CD82: variants seen among roughly 807,000 people sequenced by gnomAD.
CD82 encodes CD82 antigen.
CD82 carries 36 observed loss-of-function variants against 37.4 expected under a neutral mutation model. The observed-to-expected ratio is 0.96, with a 90% CI of 0.74 to 1.27. The LOEUF is 1.27. Among genes scored for constraint, CD82 ranks in the 50% most tolerant of loss-of-function variants. The pLI, the probability that CD82 is intolerant of heterozygous loss-of-function variation, is 0.00. For synonymous variants in CD82, 158 were observed against 137.4 expected (o/e 1.15, Z -1.05); for missense variants, 340 against 347.0 (o/e 0.98, Z 0.16).
intron 3 of CD82, among the ~76,000 whole-genome samples, chr11:44,599,934 G>T (rs958870704): frequency 2.6e-5 from 4 of 152,166 alleles, no homozygotes; most frequent in African/African-American, 4.8e-5. Context: ...GTGGAGGGGG[G>T]CAAGATGGGA....
chr11:44,618,969 A>T, intron 9 of CD82, 80 bp from the exon 10 acceptor site: 1 of 1,245,852 alleles, frequency 8.0e-7, no homozygotes, highest in Non-Finnish European at 1.2e-6. Flanking sequence ...CTTAATCCCC[A>T]TGTAAACCTG....
chr11:44,588,151 T>A (rs996685904), intron 2 of CD82, among the ~76,000 whole-genome samples: 4 of 152,164 alleles, frequency 2.6e-5, no homozygotes, highest in Non-Finnish European at 5.9e-5. Flanking sequence ...GCAGACCATG[T>A]GGCAGGCATT....
intron 4 of CD82, among the ~76,000 whole-genome samples, chr11:44,600,494 C>T (rs1416002998): frequency 2.6e-5 from 4 of 152,236 alleles, no homozygotes; most frequent in Non-Finnish European, 5.9e-5. Context: ...TTTTCCCTTC[C>T]TGGCCCCTTC....
intron 3 of CD82, among the ~76,000 whole-genome samples, chr11:44,599,377 C>G (rs1253711446): frequency 6.6e-6 from 1 of 152,242 alleles, no homozygotes; most frequent in African/African-American, 2.4e-5. Context: ...CTCCTGGGCT[C>G]AAGTGATCCT....
chr11:44,570,197 C>G (rs1371624829), intron 1 of CD82, among the ~76,000 whole-genome samples: 3 of 152,214 alleles, frequency 2.0e-5, no homozygotes, highest in African/African-American at 7.2e-5. Flanking sequence ...CACTGTGACG[C>G]TCAGCTTCCT....
intron 2 of CD82, among the ~76,000 whole-genome samples, chr11:44,593,404 C>A (rs1286419781): frequency 6.6e-6 from 1 of 152,244 alleles, no homozygotes; most frequent in Non-Finnish European, 1.5e-5. Context: ...GCTGTCCAGG[C>A]CCCAGCTGCC....
chr11:44,591,762 T>C (rs1370176452), intron 2 of CD82, among the ~76,000 whole-genome samples: 5 of 152,202 alleles, frequency 3.3e-5, no homozygotes, highest in African/African-American at 4.8e-5. Flanking sequence ...TGGCCACTTG[T>C]AGTAGTTGCT....
At chr11:44,590,669 C>T (rs1363478959) in intron 2 of CD82, among the ~76,000 whole-genome samples, 1 of 124,058 alleles carries the variant, frequency 8.1e-6, no homozygotes, top group Admixed American at 8.0e-5. Flanking sequence ...GTATAAAAAA[C>T]AGGCAGGGGG....
At chr11:44,580,763 G>A (rs1361420361) in intron 1 of CD82, among the ~76,000 whole-genome samples, 2 of 152,174 alleles carry the variant, frequency 1.3e-5, no homozygotes, top group Non-Finnish European at 2.9e-5. Context: ...ATCTATGTCT[G>A]TCTGATTGTC....
chr11:44,604,711 G>A (rs1197167193), intron 4 of CD82: 5 of 351,302 alleles, frequency 1.4e-5, no homozygotes, highest in Non-Finnish European at 1.6e-5. Context: ...TGAAGCTTCT[G>A]CCCTCATGCA....
chr11:44,578,959 G>T (rs1007728551), intron 1 of CD82, among the ~76,000 whole-genome samples: 1 of 152,126 alleles, frequency 6.6e-6, no homozygotes. Flanking sequence ...GATTGGATGG[G>T]GCTGTTTGGG....
At chr11:44,615,223 G>C (rs759899995) in intron 6 of CD82, 49 bp from the exon 7 acceptor site, 6 of 1,248,732 alleles carry the variant, frequency 4.8e-6, no homozygotes, top group Non-Finnish European at 7.1e-6. Context: ...CCACAGGTGG[G>C]CACGGGTTTC....
chr11:44,611,610 C>T (rs1295379638), intron 6 of CD82, among the ~76,000 whole-genome samples: 9 of 152,208 alleles, frequency 5.9e-5, no homozygotes, highest in African/African-American at 2.2e-4. Flanking sequence ...CAGGCAGAAA[C>T]AATGGAGCGG....
At chr11:44,586,029 C>T (rs778513391) in intron 1 of CD82, among the ~76,000 whole-genome samples, 24 of 152,148 alleles carry the variant, frequency 1.6e-4, no homozygotes, top group Non-Finnish European at 3.4e-4. Context: ...CGCTGCTGTA[C>T]CAGAAACCCC....
intron 1 of CD82, among the ~76,000 whole-genome samples, chr11:44,577,394 G>A (rs187601911): frequency 6.6e-6 from 1 of 152,194 alleles, no homozygotes; most frequent in Non-Finnish European, 1.5e-5. Flanking sequence ...CTTCCCTCAG[G>A]GAAGACTTGC....
At chr11:44,617,237 G>T (rs1414575997) in intron 7 of CD82, among the ~76,000 whole-genome samples, 1 of 152,110 alleles carries the variant, frequency 6.6e-6, no homozygotes, top group Non-Finnish European at 1.5e-5. Context: ...CTTCTCTCTA[G>T]AACTAGAGCA....
At chr11:44,596,110 G>A (rs1853222531) in intron 3 of CD82, among the ~76,000 whole-genome samples, 1 of 152,194 alleles carries the variant, frequency 6.6e-6, no homozygotes, top group Non-Finnish European at 1.5e-5. Context: ...GGAGGACCCT[G>A]TGAGGCCCCA....
chr11:44,608,050 TG>T (rs1853424486), intron 6 of CD82: 2 of 152,350 alleles, frequency 1.3e-5, no homozygotes, highest in South Asian at 4.2e-4. Flanking sequence ...GGAAATTTTC[TG>T]GCTTTGCTGA....
intron 6 of CD82, among the ~76,000 whole-genome samples, chr11:44,608,703 G>C (rs1438591305): frequency 1.3e-5 from 2 of 152,264 alleles, no homozygotes; most frequent in Admixed American, 6.5e-5. Flanking sequence ...AATTGAACCT[G>C]AACAGAAGCA....
Sources: gnomAD v4.1 joint callset for allele counts (sites outside exome capture counted in the v4.1 genomes callset) on GRCh38, gnomAD v4.1.1 for gene constraint, MANE v1.5 for transcripts, NCBI Gene and HGNC (gene_info 2026-07-23, HGNC 2026-07-21) for gene names.